Variants in APC observed in about 807,000 individuals in gnomAD.
APC encodes adenomatous polyposis coli protein.
A neutral mutation model predicts 247.0 loss-of-function variants in APC; 72 were observed. The observed-to-expected ratio is 0.29, with a 90% CI of 0.24 to 0.35. The LOEUF (loss-of-function observed/expected upper bound fraction) is 0.35, where lower values mean the gene tolerates loss of function less well. Ranked by LOEUF, APC falls within the 10% of genes least tolerant of loss-of-function variation. APC has a pLI of 1.00. For missense variants in APC, 3,400 were observed against 3,360.7 expected, an observed-to-expected ratio of 1.01 and a Z score of -0.29; for synonymous variants, 1,254 against 1,162.5, an observed-to-expected ratio of 1.08 and a Z score of -1.60.
rs1580631098 is a variant in APC at position 112,838,711 on chromosome 5, A to G, written c.3117A>G (p.Gly1039=). 6.2e-7 allele frequency: 1 copy of G among 1,614,194 alleles called. No individual in the cohort carries two copies. Among genetic ancestry groups the G allele is most frequent in the Non-Finnish European group, 8.5e-7 (1 of 1,180,016 alleles). ...ATTCAGATGAGCAGTTGAACTCTGGAAGGCAAAGTCCTTCACAGAATGAAA... is the reference window on the plus strand; with the variant it reads ...ATTCAGATGAGCAGTTGAACTCTGGGAGGCAAAGTCCTTCACAGAATGAAA... ...LKYSDEQLNS[G]RQSPSQNERW... is the part of the protein sequence containing the mutation. Residue 1039 remains glycine (G), a synonymous_variant, in exon 16 of 16, where the codon GGA becomes GGG. Coordinates refer to ENST00000257430, the MANE Select transcript of APC (RefSeq NM_000038.6).
At chr5:112,746,279 G>A (rs558600260) in intron 1 of APC, among the ~76,000 whole-genome samples, 2 of 152,056 alleles carry the variant, frequency 1.3e-5, no homozygotes, top group East Asian at 1.9e-4. Flanking sequence ...TTGAGTATCC[G>A]TCACTTTGAT....
At chr5:112,820,345 TA>T (rs1459535908) in intron 10 of APC, among the ~76,000 whole-genome samples, 3 of 152,092 alleles carry the variant, frequency 2.0e-5, no homozygotes, top group Non-Finnish European at 2.9e-5. Context: ...ATTTGAAATC[TA>T]AAAATGTTCA....
intron 10 of APC, among the ~76,000 whole-genome samples, chr5:112,821,051 G>C (rs907098902): frequency 1.2e-5 from 1 of 81,588 alleles, no homozygotes; most frequent in Admixed American, 1.2e-4. Context: ...TTTTTTTTTT[G>C]AGAGACGGGG....
chr5:112,839,191 G>C lies in APC; in HGVS notation c.3597G>C (p.Lys1199Asn), dbSNP rs1765466754. 1 of 1,614,110 alleles carries C rather than the reference G, an allele frequency of 6.2e-7. No individual in the cohort carries two copies. The highest frequency in any genetic ancestry group is 8.5e-7 in the Non-Finnish European group (1 of 1,180,028). The change falls in exon 16 of 16, where the codon AAG becomes AAC. Residue 1199 changes from lysine to asparagine, a missense_variant. This residue lies in a region of APC where 715 missense variants were observed against 656.6 expected (regional missense o/e 1.09). Coordinates refer to ENST00000257430, the MANE Select transcript of APC (RefSeq NM_000038.6). The surrounding 1 kb of genome is among the most constrained non-coding windows in gnomAD (Gnocchi z 5.0). The part of the protein sequence containing the change: ...SSQKQSFSFS[K>N]SSSGQSSKTE... ...AGAAACAGTCATTTTCATTCTCAAA[G>C]AGTTCATCTGGACAAAGCAGTAAAA...
chr5:112,724,321 T>C (rs1259919246), intron 1 of APC, among the ~76,000 whole-genome samples: 1 of 152,108 alleles, frequency 6.6e-6, no homozygotes, highest in African/African-American at 2.4e-5. Flanking sequence ...GTTGAGTTGG[T>C]ACTTTGGGAG....
chr5:112,830,467 G>A (rs977091525), intron 14 of APC, among the ~76,000 whole-genome samples: 1 of 152,132 alleles, frequency 6.6e-6, no homozygotes, highest in Non-Finnish European at 1.5e-5. Flanking sequence ...ATATAAAATG[G>A]TATAATCACT....
upstream of APC, chr5:112,737,765 G>T: frequency 1.1e-6 from 1 of 870,372 alleles, no homozygotes; most frequent in Non-Finnish European, 1.4e-6. Context: ...AGAAGCAGCT[G>T]TGTAATCCGC....
intron 1 of APC, among the ~76,000 whole-genome samples, chr5:112,713,264 C>T (rs899108135): frequency 6.6e-6 from 1 of 151,722 alleles, no homozygotes; most frequent in Non-Finnish European, 1.5e-5. Context: ...ATCAAGGATT[C>T]AGGTGCTTTC....
At chr5:112,773,084 G>A (rs1216767522) in intron 4 of APC, among the ~76,000 whole-genome samples, 1 of 152,172 alleles carries the variant, frequency 6.6e-6, no homozygotes, top group East Asian at 1.9e-4. Flanking sequence ...TGCCTTTTCT[G>A]AGGGATGCTA....
rs759662717 is a variant in APC, at chr5:112,767,354, A to G, written c.386A>G (p.Glu129Gly). Residue 129 changes from glutamate (E) to glycine (G), a missense_variant, in exon 4 of 16, where the codon GAA (glutamate) becomes GGA (glycine). Coordinates refer to ENST00000257430, the MANE Select transcript of APC (RefSeq NM_000038.6). ...AGAGGGTTTGTAAATGGAAGCAGAG[A>G]AAGTACTGGATATTTAGAAGAACTT... ...PRRGFVNGSR[E>G]STGYLEELEK... 1.9e-6 allele frequency: 3 copies of G among 1,614,134 alleles called. No homozygotes were observed. Among genetic ancestry groups the G allele is most frequent in the South Asian group, 1.1e-5 (1 of 91,078 alleles).
At chr5:112,811,038 C>A (rs74584369) in intron 8 of APC, among the ~76,000 whole-genome samples, 10 of 139,516 alleles carry the variant, frequency 7.2e-5, no homozygotes, top group South Asian at 4.7e-4. Context: ...CACACACACA[C>A]AAAAAAAGAA....
At chr5:112,737,147 C>T (rs560919426), upstream of APC, among the ~76,000 whole-genome samples, 1 of 152,286 alleles carries the variant, frequency 6.6e-6, no homozygotes, top group East Asian at 1.9e-4. Context: ...TTTGTAGTAG[C>T]TAACAGCACT....
At chr5:112,818,702 A>G (rs896514865) in intron 9 of APC, among the ~76,000 whole-genome samples, 4 of 152,172 alleles carry the variant, frequency 2.6e-5, no homozygotes, top group African/African-American at 7.2e-5. Context: ...GTGAGTATGC[A>G]AAAACCTACT....
At chr5:112,827,024 T>C in intron 11 of APC, 84 bp from the exon 12 acceptor site, 1 of 1,362,448 alleles carries the variant, frequency 7.3e-7, no homozygotes, top group Non-Finnish European at 1.0e-6. Flanking sequence ...GAGTTTTTTT[T>C]TCCTAGTATT....
At chr5:112,719,572 C>A (rs1190394020) in intron 1 of APC, among the ~76,000 whole-genome samples, 2 of 147,308 alleles carry the variant, frequency 1.4e-5, no homozygotes, top group Admixed American at 1.4e-4. Context: ...CAGAGTCTTA[C>A]TGTGTCGCCC....
At chr5:112,731,529 A>T (rs895413526) in intron 1 of APC, among the ~76,000 whole-genome samples, 1 of 152,186 alleles carries the variant, frequency 6.6e-6, no homozygotes, top group African/African-American at 2.4e-5. Flanking sequence ...TGGAACGTGA[A>T]TACCTCCCAT....
rs2149780646 is a variant in APC, at chr5:112,819,098, C to T, written c.1066C>T (p.Leu356Phe). Residue 356 changes from leucine to phenylalanine, a missense_variant, in exon 10 of 16, where the codon CTC (leucine) becomes TTC (phenylalanine). By Grantham distance (22) the Leu-to-Phe change is conservative. Transcript: ENST00000257430. ...GCGACAGTCTGGATGTCTTCCTCTC[C>T]TCATCCAGCTTTTACATGGCAATGA... ...SMRQSGCLPL[L>F]IQLLHGNDKD... 1 of 1,614,098 alleles carries T rather than the reference C, an allele frequency of 6.2e-7. No individual in the cohort carries two copies. The highest frequency in any genetic ancestry group is 2.2e-5 in the East Asian group (1 of 44,874).
At chr5:112,727,687 TA>T (rs1165652717) in intron 1 of APC, among the ~76,000 whole-genome samples, 1 of 152,094 alleles carries the variant, frequency 6.6e-6, no homozygotes, top group Non-Finnish European at 1.5e-5. Context: ...AAAAAGACTT[TA>T]AAAAAATCAT....
chr5:112,754,801 C>T (rs2149736359), intron 1 of APC, 72 bp from the exon 2 acceptor site: 5 of 1,427,056 alleles, frequency 3.5e-6, no homozygotes, highest in Non-Finnish European at 4.9e-6. Context: ...GTTTCCTTTA[C>T]CCCTTTCTTT....
Sources: gnomAD v4.1 joint callset for allele counts (sites outside exome capture counted in the v4.1 genomes callset) on GRCh38, gnomAD v4.1.1 for gene constraint, gnomAD v4.1.1 regional missense constraint, Gnocchi (gnomAD v3.1) non-coding constraint, MANE v1.5 for transcripts, NCBI Gene and HGNC (gene_info 2026-07-23, HGNC 2026-07-21) for gene names.